Variants in NIBAN1 observed in about 807,000 individuals in gnomAD.
The protein encoded by NIBAN1 is protein Niban 1.
In NIBAN1, 81 loss-of-function variants were observed where a neutral mutation model predicts 75.1. The observed-to-expected ratio is 1.08, with a 90% CI of 0.90 to 1.30. The LOEUF (loss-of-function observed/expected upper bound fraction) is 1.30. Ranked by LOEUF, NIBAN1 falls within the 50% of genes most tolerant of loss-of-function variation. The pLI, the probability that NIBAN1 is intolerant of heterozygous loss-of-function variation, is 0.00. For synonymous variants in NIBAN1, 436 were observed against 424.8 expected (o/e 1.03, Z -0.32); for missense variants, 1,133 against 1,128.1 (o/e 1.00, Z -0.06).
At chr1:184,818,520 C>T in intron 9 of NIBAN1, 118 bp downstream of exon 9, 3 of 1,006,676 alleles carry the variant, frequency 3.0e-6, no homozygotes, top group Non-Finnish European at 4.3e-6. Flanking sequence ...GAGGGAAGGG[C>T]AGAAGAATGG....
intron 2 of NIBAN1, among the ~76,000 whole-genome samples, chr1:184,897,575 T>C (rs941160141): frequency 6.6e-6 from 1 of 152,132 alleles, no homozygotes; most frequent in Non-Finnish European, 1.5e-5. Flanking sequence ...TAAGCTAACA[T>C]CTTCCAAATT....
intron 5 of NIBAN1, among the ~76,000 whole-genome samples, chr1:184,874,048 T>A (rs1383126037): frequency 6.6e-6 from 1 of 152,134 alleles, no homozygotes; most frequent in African/African-American, 2.4e-5. Flanking sequence ...AAGTTATCTA[T>A]ATTTTTTGAG....
At chr1:184,906,014 G>A (rs1264175390) in intron 1 of NIBAN1, among the ~76,000 whole-genome samples, 1 of 151,396 alleles carries the variant, frequency 6.6e-6, no homozygotes, top group Non-Finnish European at 1.5e-5. Context: ...GAGATGGGAG[G>A]ATCACCTGAG....
chr1:184,914,456 G>T (rs1657328668), intron 1 of NIBAN1, among the ~76,000 whole-genome samples: 1 of 152,208 alleles, frequency 6.6e-6, no homozygotes, highest in Non-Finnish European at 1.5e-5. Context: ...TGACAGAGAG[G>T]TTCTGTATCT....
At chr1:184,831,703 G>GCAGA (rs1383689845) in intron 6 of NIBAN1, 144 bp downstream of exon 6, 1 of 638,370 alleles carries the variant, frequency 1.6e-6, no homozygotes, top group East Asian at 2.7e-5. Flanking sequence ...ACCAATGCTT[G>GCAGA]CAGACATGAG....
chr1:184,834,831 T>G (rs1204135813), intron 5 of NIBAN1, among the ~76,000 whole-genome samples: 1 of 152,254 alleles, frequency 6.6e-6, no homozygotes, highest in African/African-American at 2.4e-5. Flanking sequence ...GGTAGTTTCT[T>G]TTCCTGTGCA....
chr1:184,805,796 C>T, intron 11 of NIBAN1, 150 bp downstream of exon 11: 4 of 636,106 alleles, frequency 6.3e-6, no homozygotes, highest in Non-Finnish European at 1.1e-5. Context: ...ACTGGAGAAA[C>T]TGCAGCGGAC....
intron 1 of NIBAN1, among the ~76,000 whole-genome samples, chr1:184,924,983 T>G: frequency 6.6e-6 from 1 of 152,134 alleles, no homozygotes; most frequent in Middle Eastern, 3.2e-3. Flanking sequence ...TTTTGTTTCA[T>G]TGATCTTTTG....
At chr1:184,968,209 CAAAAAAAA>C (rs1176738165) in intron 1 of NIBAN1, among the ~76,000 whole-genome samples, 1 of 8,808 alleles carries the variant, frequency 1.1e-4, no homozygotes, top group Non-Finnish European at 3.2e-4. Flanking sequence ...GACTCCGTCT[CAAAAAAAA>C]AAAAAAAAAA....
intron 5 of NIBAN1, among the ~76,000 whole-genome samples, chr1:184,851,840 CT>C (rs59746255): frequency 0.59 from 84,549 of 143,842 alleles, 24,574 homozygotes; most frequent in African/African-American, 0.67. Context: ...GATCTAACGA[CT>C]TTTTTTTTTT....
intron 1 of NIBAN1, among the ~76,000 whole-genome samples, chr1:184,942,588 G>A (rs1464298413): frequency 6.6e-6 from 1 of 152,050 alleles, no homozygotes; most frequent in African/African-American, 2.4e-5. Flanking sequence ...CAGCTACTTG[G>A]GAGGCTGAGG....
chr1:184,950,261 T>C (rs995482387), intron 1 of NIBAN1, among the ~76,000 whole-genome samples: 2 of 152,164 alleles, frequency 1.3e-5, no homozygotes, highest in African/African-American at 4.8e-5. Context: ...AGCCTGTTAG[T>C]GAGAAGGTGC....
At chr1:184,902,909 C>T (rs1656988934) in intron 1 of NIBAN1, among the ~76,000 whole-genome samples, 1 of 152,182 alleles carries the variant, frequency 6.6e-6, no homozygotes, top group Non-Finnish European at 1.5e-5. Context: ...ATATTGAAAA[C>T]TATCTAGGAC....
chr1:184,883,446 T>A (rs1490326802), intron 5 of NIBAN1, among the ~76,000 whole-genome samples: 3 of 152,222 alleles, frequency 2.0e-5, no homozygotes, highest in African/African-American at 4.8e-5. Flanking sequence ...CCCTCAGTAC[T>A]CTTAGACTGG....
Position 184,974,327 on chromosome 1 carries a change from G to T in NIBAN1, c.30C>A (p.Asp10Glu). Residue 10 changes from aspartate (D) to glutamate (E), a missense_variant, in exon 1 of 14, where the codon GAC becomes GAA. Physicochemically the swap from Asp to Glu is conservative, Grantham distance 45. Transcript: ENST00000367511. ...CTCGGATGTAAGCGCACTTGCCCTC[G>T]TCCAGCTGGCTGGAGGCTGAGCCGC... MGGSASSQL[D>E]EGKCAYIRGK... is the part of the protein sequence containing the mutation. 6.4e-7 allele frequency: 1 copy of T among 1,567,396 alleles called. No individual in the cohort carries two copies. The highest frequency in any genetic ancestry group is 1.2e-5 in the South Asian group (1 of 86,104).
intron 5 of NIBAN1, among the ~76,000 whole-genome samples, chr1:184,844,916 G>A (rs1397827423): frequency 4.6e-5 from 7 of 152,120 alleles, no homozygotes; most frequent in Admixed American, 4.6e-4. Flanking sequence ...GATTTGGAGG[G>A]GCAGTATACA....
At position 184,894,196 on chromosome 1, in the gene NIBAN1, G is replaced by A. The variant is rs78908040; in HGVS notation, c.197C>T (p.Ala66Val). 27,165 of 1,599,226 alleles carry A rather than the reference G, an allele frequency of 0.017. 277 individuals carry two copies. The highest frequency in any genetic ancestry group is 0.02 in the Non-Finnish European group (24,043 of 1,174,892). Reference protein sequence around the residue: ...SQFLKTKPPLAPGTILYEAEL... With the variant: ...SQFLKTKPPLVPGTILYEAEL... ...TGCTTCATACAAAATAGTTCCAGGC[G>A]CCAATGGTGGCTTAAAGAAGATGAA... The change falls in exon 3 of 14, where the codon GCG becomes GTG. Residue 66 changes from alanine (A) to valine (V), a missense_variant. Transcript: ENST00000367511.
chr1:184,912,343 T>C (rs950237363), intron 1 of NIBAN1, among the ~76,000 whole-genome samples: 3 of 152,196 alleles, frequency 2.0e-5, no homozygotes, highest in African/African-American at 7.2e-5. Context: ...TCCTGGTGCA[T>C]ATATACAAGT....
intron 2 of NIBAN1, among the ~76,000 whole-genome samples, chr1:184,897,235 C>G (rs1656822799): frequency 1.3e-5 from 2 of 149,190 alleles, no homozygotes; most frequent in Admixed American, 1.3e-4. Context: ...GTTTTGTAGT[C>G]CTTGTAGAGA....
Sources: gnomAD v4.1 joint callset for allele counts (sites outside exome capture counted in the v4.1 genomes callset) on GRCh38, gnomAD v4.1.1 for gene constraint, MANE v1.5 for transcripts, NCBI Gene and HGNC (gene_info 2026-07-23, HGNC 2026-07-21) for gene names.